INTS6: variants seen among roughly 807,000 people sequenced by gnomAD.
The protein encoded by INTS6 is DEAD box protein.
Under a neutral mutation model 104.9 loss-of-function variants are expected in INTS6, and 16 were observed. The observed-to-expected ratio is 0.15, with a 90% confidence interval of 0.10 to 0.23. The LOEUF (loss-of-function observed/expected upper bound fraction) is 0.23. Ranked by LOEUF, INTS6 falls within the 10% of genes least tolerant of loss-of-function variation. The probability of loss-of-function intolerance (pLI) is 1.00; values close to 1 mark genes in which losing one functional copy is unlikely to be tolerated. For missense variants in INTS6, 584 were observed against 1,062.8 expected (o/e 0.55, Z 6.26); for synonymous variants, 324 against 358.7 (o/e 0.90, Z 1.09).
the INTS6 span, among the ~76,000 whole-genome samples, chr13:51,338,315 G>GT: frequency 6.6e-6 from 1 of 152,196 alleles, no homozygotes; most frequent in African/African-American, 2.4e-5. Flanking sequence ...TACGCAGGCA[G>GT]TGAGCAAGAC....
chr13:51,347,288 G>A, the INTS6 span: 1 of 1,516,552 alleles, frequency 6.6e-7, no homozygotes, highest in Non-Finnish European at 9.1e-7. Context: ...TGGGCCTGAG[G>A]GCAGGAGAGA....
At chr13:51,439,208 T>C (rs1952748316) in intron 3 of INTS6, 1 of 152,200 alleles carries the variant, frequency 6.6e-6, no homozygotes, top group African/African-American at 2.4e-5. Flanking sequence ...TTATAGAAAA[T>C]ATAATCCTTC....
intron 5 of INTS6, 85 bp downstream of exon 5, chr13:51,395,215 A>C (rs1956313956): frequency 7.6e-7 from 1 of 1,314,308 alleles, no homozygotes; most frequent in Non-Finnish European, 1.0e-6. Context: ...ATAAAAACAA[A>C]CATGGAGCTT....
At chr13:51,431,742 G>A (rs999014655) in intron 3 of INTS6, among the ~76,000 whole-genome samples, 51 of 152,178 alleles carry the variant, frequency 3.4e-4, no homozygotes, top group Middle Eastern at 3.4e-3. Context: ...AAATGGTTCC[G>A]GGGGAGAAAG....
At chr13:51,443,359 AAG>A (rs1024570597) in intron 3 of INTS6, 17 of 152,174 alleles carry the variant, frequency 1.1e-4, no homozygotes, top group African/African-American at 3.1e-4. Context: ...CAATTTTTTT[AAG>A]AGTGTATATT....
intron 3 of INTS6, among the ~76,000 whole-genome samples, chr13:51,430,838 C>G (rs938554370): frequency 1.3e-5 from 2 of 152,068 alleles, no homozygotes; most frequent in African/African-American, 4.8e-5. Context: ...ATCGAAATGT[C>G]TAAGCAAATA....
chr13:51,353,541 C>T (rs890892834), downstream of INTS6, among the ~76,000 whole-genome samples: 9 of 152,162 alleles, frequency 5.9e-5, no homozygotes, highest in African/African-American at 2.2e-4. Context: ...GCATTGGATT[C>T]CCAAGTCCAT....
chr13:51,425,330 T>C (rs1048925518), intron 4 of INTS6, among the ~76,000 whole-genome samples: 4 of 152,066 alleles, frequency 2.6e-5, no homozygotes, highest in Admixed American at 6.6e-5. Flanking sequence ...CGAATATCTA[T>C]CCCATGAAGT....
At chr13:51,366,610 C>G (rs1173590528) in intron 17 of INTS6, among the ~76,000 whole-genome samples, 1 of 151,874 alleles carries the variant, frequency 6.6e-6, no homozygotes, top group Non-Finnish European at 1.5e-5. Flanking sequence ...GTACAGATAC[C>G]GGGGATATAA....
chr13:51,426,299 T>TA (rs1160625240), intron 4 of INTS6, among the ~76,000 whole-genome samples: 1 of 152,076 alleles, frequency 6.6e-6, no homozygotes, highest in East Asian at 1.9e-4. Context: ...TTTGGGCCTA[T>TA]ACATACTTAG....
chr13:51,343,476 C>A, the INTS6 span, among the ~76,000 whole-genome samples: 3 of 152,212 alleles, frequency 2.0e-5, no homozygotes, highest in African/African-American at 7.2e-5. Context: ...CACTATTGAT[C>A]ATGGAAAGAA....
intron 4 of INTS6, among the ~76,000 whole-genome samples, chr13:51,404,114 A>AGAG (rs1956506447): frequency 6.6e-6 from 1 of 151,200 alleles, no homozygotes; most frequent in Non-Finnish European, 1.5e-5. Flanking sequence ...AGAGAGAGAG[A>AGAG]GAGAGAGAGA....
At chr13:51,384,816 A>G (rs1224465961) in intron 7 of INTS6, 6 of 395,594 alleles carry the variant, frequency 1.5e-5, no homozygotes, top group African/African-American at 6.3e-5. Context: ...TCATCTCTCT[A>G]GAAATGTTAT....
chr13:51,398,810 G>GA, intron 4 of INTS6, among the ~76,000 whole-genome samples: 1 of 151,364 alleles, frequency 6.6e-6, no homozygotes, highest in South Asian at 2.1e-4. Flanking sequence ...TCCAATAAGG[G>GA]AATCAATAAA....
chr13:51,412,344 G>A (rs1287342167), intron 4 of INTS6, among the ~76,000 whole-genome samples: 1 of 152,120 alleles, frequency 6.6e-6, no homozygotes, highest in African/African-American at 2.4e-5. Flanking sequence ...ATAAGCATAT[G>A]CAAAATGTGA....
rs760025118 is a variant in INTS6, at chr13:51,368,920, C to T, written c.2476+19G>A. The T allele has an allele frequency of 2.0e-5, 30 of 1,526,454 alleles. No homozygotes were observed. The Middle Eastern group carries it at 2.1e-3, about 107-fold the overall frequency. The allele number at this position is 1,526,454 out of a possible 1,614,324, so 94.6% of individuals were successfully genotyped here. ...ACATACAGAAATCAGATCTGAGGTT[C>T]GTCTCTTATTATACATACTTCTTCC... On this transcript the variant is annotated intron_variant, in intron 16 of 17. Coordinates refer to ENST00000311234, the MANE Select transcript of INTS6 (RefSeq NM_012141.3).
Position 51,374,357 on chromosome 13 carries a change from C to G in INTS6, c.1955G>C (p.Gly652Ala). The change falls in exon 15 of 18, where the codon GGG becomes GCG. Residue 652 changes from glycine to alanine, a missense_variant. By Grantham distance (60) the Gly-to-Ala change is moderately conservative. This residue lies in a region of INTS6 where 296 missense variants were observed against 437.0 expected (regional missense o/e 0.68). Coordinates refer to ENST00000311234, the MANE Select transcript of INTS6 (RefSeq NM_012141.3). Reference sequence around the variant, plus strand: ...CATACACCGACGTCTTTTAGGGATCCCTTGCATATTTGGTTCTCCGGGTCG... The same window carrying G: ...CATACACCGACGTCTTTTAGGGATCGCTTGCATATTTGGTTCTCCGGGTCG... ...HKRPGEPNMQGIPKRRRCMSP... is the reference protein window; with the variant it reads ...HKRPGEPNMQAIPKRRRCMSP... 1 of 1,614,068 alleles carries G rather than the reference C, an allele frequency of 6.2e-7. No individual in the cohort carries two copies. Among genetic ancestry groups the G allele is most frequent in the South Asian group, 1.1e-5 (1 of 91,080 alleles).
chr13:51,449,328 C>T (rs929844487), intron 3 of INTS6: 3 of 255,350 alleles, frequency 1.2e-5, no homozygotes, highest in African/African-American at 6.9e-5. Context: ...GGTAACAGCA[C>T]AGGACCACCT....
At chr13:51,349,399 T>G (rs533419721), downstream of INTS6, among the ~76,000 whole-genome samples, 2 of 152,278 alleles carry the variant, frequency 1.3e-5, no homozygotes, top group East Asian at 3.9e-4. Context: ...CTCTCAAAAC[T>G]AAATATTTGG....
Sources: gnomAD v4.1 joint callset for allele counts (sites outside exome capture counted in the v4.1 genomes callset) on GRCh38, gnomAD v4.1.1 for gene constraint, gnomAD v4.1.1 regional missense constraint, MANE v1.5 for transcripts, NCBI Gene and HGNC (gene_info 2026-07-23, HGNC 2026-07-21) for gene names.